ATP2C2: variants seen among roughly 807,000 people sequenced by gnomAD.
The protein encoded by ATP2C2 is ATPase secretory pathway Ca2+ transporting 2.
Under a neutral mutation model 110.8 loss-of-function variants are expected in ATP2C2, and 171 were observed. The ratio of observed to expected loss-of-function variants is 1.54; its 90% CI spans 1.36 to 1.75. The LOEUF (loss-of-function observed/expected upper bound fraction) is 1.75. Among genes scored for constraint, ATP2C2 ranks in the 40% most tolerant of loss-of-function variants. The pLI is 0.00. For synonymous variants in ATP2C2, 804 were observed against 508.4 expected (o/e 1.58, Z -7.82); for missense variants, 1,963 against 1,235.0 (o/e 1.59, Z -8.84).
chr16:84,397,468 T>C (rs907104125), intron 1 of ATP2C2, among the ~76,000 whole-genome samples: 1 of 151,102 alleles, frequency 6.6e-6, no homozygotes, highest in African/African-American at 2.4e-5. Context: ...TTCTGTAAAA[T>C]AAGTTCGCTC....
intron 11 of ATP2C2, among the ~76,000 whole-genome samples, chr16:84,432,615 G>A (rs1348760127): frequency 6.6e-6 from 1 of 151,978 alleles, no homozygotes; most frequent in African/African-American, 2.4e-5. Flanking sequence ...CCATCTCCTG[G>A]GTTCAAACTA....
chr16:84,455,015 G>T (rs771140118), intron 21 of ATP2C2, 31 bp downstream of exon 21: 2 of 1,574,888 alleles, frequency 1.3e-6, no homozygotes, highest in South Asian at 2.2e-5. Flanking sequence ...TTTTTCAGTT[G>T]CAAAAATGCC....
At chr16:84,377,600 CCAGTCGTA>C (rs1415071093) in intron 1 of ATP2C2, among the ~76,000 whole-genome samples, 1 of 152,036 alleles carries the variant, frequency 6.6e-6, no homozygotes, top group Non-Finnish European at 1.5e-5. Flanking sequence ...TACTTGGACA[CCAGTCGTA>C]TTGGATTAAG....
In ATP2C2 at chr16:84,398,595, G is replaced by T; in HGVS notation, c.196G>T (p.Ala66Ser). The T allele has an allele frequency of 6.2e-7, 1 of 1,610,596 alleles. No homozygotes were observed. Among genetic ancestry groups the T allele is most frequent in the Non-Finnish European group, 8.5e-7 (1 of 1,178,496 alleles). ...EACKCQKEDL[A>S]RAFCVDLHTG... The stretch of plus-strand genomic sequence containing the variant: ...GTGCAAATGCCAGAAAGAGGATTTG[G>T]CCAGAGCGTTTTGTGTAAGAATTGA... The change falls in exon 2 of 27, where the codon GCC becomes TCC. Residue 66 changes from alanine to serine, a missense_variant. Coordinates refer to ENST00000262429, the MANE Select transcript of ATP2C2 (RefSeq NM_014861.4).
intron 1 of ATP2C2, among the ~76,000 whole-genome samples, chr16:84,380,504 G>T (rs1050644351): frequency 5.9e-5 from 9 of 152,150 alleles, no homozygotes; most frequent in African/African-American, 2.2e-4. Context: ...CTTGGGGTTG[G>T]GGGAGGCGGA....
intron 15 of ATP2C2, among the ~76,000 whole-genome samples, chr16:84,444,121 C>T (rs1909521186): frequency 7.2e-6 from 1 of 139,352 alleles, no homozygotes; most frequent in Non-Finnish European, 1.5e-5. Context: ...GAGCTATGAT[C>T]ACACCACTGC....
chr16:84,447,930 C>A (rs924166510), intron 16 of ATP2C2, among the ~76,000 whole-genome samples: 1 of 151,052 alleles, frequency 6.6e-6, no homozygotes, highest in Non-Finnish European at 1.5e-5. Flanking sequence ...AACAGTGTTA[C>A]ATTCACACTG....
chr16:84,443,804 G>C (rs541532643), intron 15 of ATP2C2, among the ~76,000 whole-genome samples: 84 of 152,256 alleles, frequency 5.5e-4, no homozygotes, highest in African/African-American at 1.9e-3. Flanking sequence ...GGTGCTGGGC[G>C]GGGGAGAGGT....
At chr16:84,434,939 G>A (rs1721200574) in intron 11 of ATP2C2, among the ~76,000 whole-genome samples, 1 of 152,198 alleles carries the variant, frequency 6.6e-6, no homozygotes, top group African/African-American at 2.4e-5. Flanking sequence ...CTCCACAAAT[G>A]TTTGCTTAGC....
intron 14 of ATP2C2, among the ~76,000 whole-genome samples, chr16:84,441,975 G>GA (rs1491035131): frequency 7.6e-6 from 1 of 131,608 alleles, no homozygotes; most frequent in Non-Finnish European, 1.6e-5. Context: ...TAATAAAAAA[G>GA]AAAAGAAAAG....
At position 84,398,579 on chromosome 16, in the gene ATP2C2, C is replaced by A. The variant is rs748423125; in HGVS notation, c.180C>A (p.Cys60Ter). 1 of 1,610,046 alleles carries A rather than the reference C, an allele frequency of 6.2e-7. No individual in the cohort carries two copies. The highest frequency in any genetic ancestry group is 8.5e-7 in the Non-Finnish European group (1 of 1,178,298). Residue 60 changes from cysteine to a stop codon, truncating the protein, a stop_gained, in exon 2 of 27, where the codon TGC (cysteine) becomes TGA (stop). Transcript: ENST00000262429. LOFTEE classifies it high-confidence loss of function. ...TALPPKEACK[C>*]QKEDLARAFC... Reference sequence around the variant, plus strand: ...TGCCCCCCAAGGAAGCGTGCAAATGCCAGAAAGAGGATTTGGCCAGAGCGT... The same window carrying A: ...TGCCCCCCAAGGAAGCGTGCAAATGACAGAAAGAGGATTTGGCCAGAGCGT...
chr16:84,428,872 C>G (rs1256274781), intron 11 of ATP2C2, among the ~76,000 whole-genome samples: 1 of 152,152 alleles, frequency 6.6e-6, no homozygotes, highest in Non-Finnish European at 1.5e-5. Context: ...AGATGTATGC[C>G]AGGGGTTGGA....
At position 84,387,836 on chromosome 16, in the gene ATP2C2, C is replaced by T. The variant is rs541499662; in HGVS notation, c.100-10663C>T. On this transcript the variant is annotated intron_variant, in intron 1 of 26. Coordinates refer to ENST00000262429, the MANE Select transcript of ATP2C2 (RefSeq NM_014861.4). ...GTGTGGTGGCTGATGCCTGTAATCC[C>T]AGCACTTTGGGAAGCTGAGGTGGTA... 3.1e-3 allele frequency among the ~76,000 whole-genome samples: 470 copies of T among 152,132 alleles called. 3 individuals carry two copies. Among genetic ancestry groups the T allele is most frequent in the African/African-American group, 0.011 (461 of 41,510 alleles).
intron 2 of ATP2C2, among the ~76,000 whole-genome samples, chr16:84,403,625 T>C (rs973456093): frequency 6.6e-6 from 1 of 152,138 alleles, no homozygotes; most frequent in South Asian, 2.1e-4. Context: ...TTTTGAAGTG[T>C]ACATTGTAGT....
chr16:84,442,270 G>A (rs1008051494), intron 14 of ATP2C2, among the ~76,000 whole-genome samples: 6 of 152,026 alleles, frequency 3.9e-5, no homozygotes, highest in East Asian at 1.9e-4. Flanking sequence ...CCCCACACTC[G>A]TCACCACCCG....
At chr16:84,446,798 G>A (rs894564829) in intron 16 of ATP2C2, among the ~76,000 whole-genome samples, 3 of 152,126 alleles carry the variant, frequency 2.0e-5, no homozygotes, top group South Asian at 4.2e-4. Context: ...TGTTGAGATC[G>A]ACCAGCCTGT....
Position 84,442,512 on chromosome 16 carries a change from G to A in ATP2C2, c.1314G>A (p.Ala438=), listed in dbSNP as rs1001840398. 9 of 1,613,814 alleles carry A rather than the reference G, an allele frequency of 5.6e-6. No individual in the cohort carries two copies. Among genetic ancestry groups the A allele is most frequent in the Admixed American group, 1.7e-5 (1 of 59,976 alleles). The part of the protein sequence containing the change: ...SNVSVGKLVE[A]GCVANNAVIR... ...ATGTCCGGACAATCCCCTTTTAGGC[G>A]GGCTGTGTTGCCAACAATGCGGTCA... Residue 438 remains alanine (A), a splice_region_variant and synonymous_variant, in exon 15 of 27, where the codon GCG becomes GCA. Transcript: ENST00000262429.
At chr16:84,415,088 A>C (rs1037388707) in intron 6 of ATP2C2, among the ~76,000 whole-genome samples, 14 of 152,070 alleles carry the variant, frequency 9.2e-5, no homozygotes, top group African/African-American at 3.1e-4. Flanking sequence ...AGCTGTGATA[A>C]GGCTCTGCCA....
chr16:84,409,535 A>G (rs1285151858), intron 4 of ATP2C2, among the ~76,000 whole-genome samples: 1 of 151,836 alleles, frequency 6.6e-6, no homozygotes, highest in Non-Finnish European at 1.5e-5. Context: ...TTTGAGACAG[A>G]GTCTTGCTGT....
Sources: allele counts gnomAD v4.1 joint callset (sites outside exome capture counted in the v4.1 genomes callset), GRCh38; gene constraint gnomAD v4.1.1; transcripts MANE v1.5; gene names NCBI Gene and HGNC (gene_info 2026-07-23, HGNC 2026-07-21).